The following RPS3A variants were observed in gnomAD, a reference collection of about 807,000 sequenced individuals.
The protein encoded by RPS3A is small ribosomal subunit protein eS1.
Under a neutral mutation model 26.4 loss-of-function variants are expected in RPS3A, and 1 was observed. That is an observed-to-expected ratio of 0.04 (90% CI 0.01 to 0.18). The LOEUF (loss-of-function observed/expected upper bound fraction) is 0.18. RPS3A is among the 10% of genes least tolerant of loss of function. The pLI, the probability that RPS3A is intolerant of heterozygous loss-of-function variation, is 1.00. For missense variants in RPS3A, 139 were observed against 326.8 expected (o/e 0.43, Z 4.43); for synonymous variants, 97 against 106.1 (o/e 0.91, Z 0.53).
chr4:151,100,049 T>A (rs1561163825), intron 1 of RPS3A: 2 of 572,322 alleles, frequency 3.5e-6, no homozygotes, highest in East Asian at 8.2e-5. Flanking sequence ...GAAAGCACCC[T>A]TCTATCCATT....
At chr4:151,103,161 G>A in intron 4 of RPS3A, 82 bp downstream of exon 4, 1 of 1,509,118 alleles carries the variant, frequency 6.6e-7, no homozygotes. Flanking sequence ...TATGAGACAA[G>A]GTAAAGGTCT....
chr4:151,102,778 AGT>A (rs1177211034), intron 3 of RPS3A, 91 bp from the exon 4 acceptor site: 1 of 1,299,900 alleles, frequency 7.7e-7, no homozygotes, highest in Non-Finnish European at 1.0e-6. Context: ...TTTAATAATG[AGT>A]GTTTGACAAT....
At chr4:151,103,943 T>C (rs1204050102) in intron 4 of RPS3A, 1 of 1,522,972 alleles carries the variant, frequency 6.6e-7, no homozygotes, top group African/African-American at 1.4e-5. Flanking sequence ...AGCATAAGGC[T>C]TGGACTCAGA....
intron 3 of RPS3A, 40 bp downstream of exon 3, chr4:151,101,202 G>A (rs1288659875): frequency 1.5e-6 from 2 of 1,335,316 alleles, no homozygotes; most frequent in Non-Finnish European, 2.1e-6. Context: ...TGCTATGGGT[G>A]TTTGACCAAG....
intron 1 of RPS3A, among the ~76,000 whole-genome samples, chr4:151,100,203 G>A (rs898734811): frequency 6.6e-6 from 1 of 152,198 alleles, no homozygotes; most frequent in Non-Finnish European, 1.5e-5. Context: ...ACTCGTGCCT[G>A]TGTAGTGGAA....
rs1747197003 is a variant in RPS3A, at chr4:151,102,953, G to T, written c.437G>T (p.Arg146Leu). ...TTCTGTGTTGGTTTTACTAAAAAAC[G>T]CAACAATCAGATACGGAAGACCTCT... ...RLFCVGFTKK[R>L]NNQIRKTSYA... The change falls in exon 4 of 6, where the codon CGC becomes CTC. Residue 146 changes from arginine (R) to leucine (L), a missense_variant. By Grantham distance (102) the Arg-to-Leu change is moderately radical. Around this residue, in one of 3 missense-constraint regions of RPS3A, gnomAD observed 96 missense variants for 209.8 expected, o/e 0.46. Transcript: ENST00000274065. 6.2e-7 allele frequency: 1 copy of T among 1,609,566 alleles called. No homozygotes were observed.
intron 3 of RPS3A, chr4:151,102,136 G>A (rs1253859040): frequency 2.0e-6 from 1 of 501,076 alleles, no homozygotes; most frequent in South Asian, 1.5e-5. Context: ...ATTCCTCTAA[G>A]GCTTTATGGT....
rs144089272 is a variant in RPS3A at position 151,104,625 on chromosome 4, G to T, written c.*32G>T. 5,099 of 1,565,350 alleles carry T rather than the reference G, an allele frequency of 3.3e-3. 8 individuals are homozygous for T. The highest frequency in any genetic ancestry group is 8.0e-3 in the African/African-American group (582 of 72,626). On this transcript the variant is annotated 3_prime_UTR_variant, in exon 6 of 6. Transcript: ENST00000274065. Reference sequence around the variant, plus strand: ...GACTTCAAATAGTGGCAAATAAAAAGTGCTATTTGTGATGGTTTGCTTCTG... The same window carrying T: ...GACTTCAAATAGTGGCAAATAAAAATTGCTATTTGTGATGGTTTGCTTCTG...
chr4:151,103,728 C>T, intron 4 of RPS3A: 5 of 1,122,936 alleles, frequency 4.5e-6, no homozygotes, highest in Non-Finnish European at 5.6e-6. Flanking sequence ...ATAGGGAGAC[C>T]CTGTCCCAAA....
chr4:151,104,438 G>GTTTTTTTTTTT (rs1747273537), intron 5 of RPS3A, 34 bp from the exon 6 acceptor site: 2 of 370,516 alleles, frequency 5.4e-6, no homozygotes, highest in South Asian at 7.6e-5. Flanking sequence ...ACAGTTTTTT[G>GTTTTTTTTTTT]GTTTTTTTTT....
chr4:151,101,109 C>A lies in RPS3A; in HGVS notation c.301C>A (p.His101Asn), dbSNP rs1180771443. ...VQGKNCLTNF[H>N]GMDLTRDKMC... ...GGGTAAAAACTGCCTGACTAACTTC[C>A]ATGGCATGGATCTTACCCGTGACAA... The change falls in exon 3 of 6, where the codon CAT (histidine) becomes AAT (asparagine). Residue 101 changes from histidine to asparagine, a missense_variant. By Grantham distance (68) the His-to-Asn change is moderately conservative. Coordinates refer to ENST00000274065, the MANE Select transcript of RPS3A (RefSeq NM_001006.5). The A allele has an allele frequency of 3.1e-6, 5 of 1,607,808 alleles. No homozygotes were observed. Among genetic ancestry groups the A allele is most frequent in the Non-Finnish European group, 4.3e-6 (5 of 1,176,140 alleles).
intron 4 of RPS3A, 111 bp from the exon 5 acceptor site, chr4:151,104,066 A>C: frequency 6.7e-7 from 1 of 1,499,292 alleles, no homozygotes; most frequent in South Asian, 1.4e-5. Flanking sequence ...AGGTTAAATG[A>C]GGTAGGTGTT....
chr4:151,101,268 C>A, intron 3 of RPS3A, 106 bp downstream of exon 3: 1 of 623,564 alleles, frequency 1.6e-6, no homozygotes, highest in Non-Finnish European at 2.5e-6. Flanking sequence ...TTTATTGAGA[C>A]CAGTGAAATG....
At position 151,102,853 on chromosome 4, in the gene RPS3A, G is replaced by A. The variant is rs763043338; in HGVS notation, c.355-18G>A. On this transcript the variant is annotated intron_variant, in intron 3 of 5. Transcript: ENST00000274065. ...TAACGTAAAACCTGTTAAATCTGAC[G>A]GTATCTTTTTTCTCCAGACAATGAT... is the stretch of plus-strand genomic sequence containing the variant. The A allele has an allele frequency of 2.3e-5, 37 of 1,605,632 alleles. No homozygotes were observed. Among genetic ancestry groups the A allele is most frequent in the Admixed American group, 5.0e-5 (3 of 59,516 alleles).
At chr4:151,102,550 G>A (rs904020953) in intron 3 of RPS3A, among the ~76,000 whole-genome samples, 37 of 152,068 alleles carry the variant, frequency 2.4e-4, no homozygotes, top group Admixed American at 2.2e-3. Flanking sequence ...ACTTGAGGGG[G>A]TATGAGCTGT....
chr4:151,100,533 T>C lies in RPS3A; in HGVS notation c.111T>C (p.Ala37=), dbSNP rs759912759. ...ATTGGTATGATGTGAAAGCACCTGC[T>C]ATGTTCAATATAAGAAATATTGGAA... ...KKDWYDVKAP[A]MFNIRNIGKT... Residue 37 remains alanine, a synonymous_variant, in exon 2 of 6, where the codon GCT becomes GCC. Coordinates refer to ENST00000274065, the MANE Select transcript of RPS3A (RefSeq NM_001006.5). The C allele has an allele frequency of 1.6e-5, 26 of 1,609,308 alleles. 1 individual carries two copies. The highest frequency in any genetic ancestry group is 1.0e-4 in the Admixed American group (6 of 59,986).
intron 2 of RPS3A, among the ~76,000 whole-genome samples, 184 bp from the exon 3 acceptor site, chr4:151,100,791 G>C (rs754120481): frequency 6.6e-6 from 1 of 152,192 alleles, no homozygotes; most frequent in Non-Finnish European, 1.5e-5. Flanking sequence ...AAGAAAATGT[G>C]CCATGGGTAG....
intron 4 of RPS3A, chr4:151,103,915 A>G (rs759493718): frequency 3.4e-6 from 5 of 1,491,450 alleles, no homozygotes; most frequent in Non-Finnish European, 4.5e-6. Context: ...CAGTTAGCTA[A>G]GAGGGTGTAA....
At chr4:151,103,244 T>C in intron 4 of RPS3A, 165 bp downstream of exon 4, 1 of 1,267,676 alleles carries the variant, frequency 7.9e-7, no homozygotes, top group Non-Finnish European at 1.0e-6. Flanking sequence ...TCAGTAAATA[T>C]GATTATTATT....
Sources: gnomAD v4.1 joint callset for allele counts (sites outside exome capture counted in the v4.1 genomes callset) on GRCh38, gnomAD v4.1.1 for gene constraint, gnomAD v4.1.1 regional missense constraint, MANE v1.5 for transcripts, NCBI Gene and HGNC (gene_info 2026-07-23, HGNC 2026-07-21) for gene names.